The following PDE2A variants were observed in gnomAD, a reference collection of about 807,000 sequenced individuals.
The protein encoded by PDE2A is phosphodiesterase 2A.
In PDE2A, 53 loss-of-function variants were observed where a neutral mutation model predicts 133.6. The ratio of observed to expected loss-of-function variants is 0.40; its 90% CI spans 0.32 to 0.50. The LOEUF is 0.50. Among genes scored for constraint, PDE2A ranks in the 20% least tolerant of loss-of-function variants. The probability of loss-of-function intolerance (pLI) is 0.73; values close to 1 mark genes in which losing one functional copy is unlikely to be tolerated. For synonymous variants in PDE2A, 491 were observed against 490.2 expected, an observed-to-expected ratio of 1.00 and a Z score of -0.02; for missense variants, 796 against 1,232.4, an observed-to-expected ratio of 0.65 and a Z score of 5.30.
chr11:72,596,897 C>T lies in PDE2A; in HGVS notation c.434-249G>A, dbSNP rs191984757. Among the ~76,000 whole-genome samples the T allele has an allele frequency of 1.4e-3, 209 of 152,196 alleles. 1 individual carries two copies. The highest frequency in any genetic ancestry group is 4.9e-3 in the African/African-American group (204 of 41,522). Reference sequence around the variant, plus strand: ...CCTTCTTGTGATCCTCCCAGGGTTGCAGGGAGGAAGGCAGGTGAGGCTGAG... The same window carrying T: ...CCTTCTTGTGATCCTCCCAGGGTTGTAGGGAGGAAGGCAGGTGAGGCTGAG... On this transcript the variant is annotated intron_variant, in intron 5 of 30. Coordinates refer to ENST00000334456, the MANE Select transcript of PDE2A (RefSeq NM_002599.5).
chr11:72,635,804 A>G (rs1858651714), intron 2 of PDE2A, among the ~76,000 whole-genome samples: 1 of 152,196 alleles, frequency 6.6e-6, no homozygotes, highest in African/African-American at 2.4e-5. Flanking sequence ...CAGCATTCTG[A>G]TAATTCGGGA....
intron 1 of PDE2A, among the ~76,000 whole-genome samples, chr11:72,671,681 C>A (rs964682560): frequency 6.6e-6 from 1 of 152,134 alleles, no homozygotes; most frequent in African/African-American, 2.4e-5. Flanking sequence ...CCAAGCTCAG[C>A]AACCAAGAGG....
chr11:72,615,241 C>G, intron 2 of PDE2A: 1 of 319,714 alleles, frequency 3.1e-6, no homozygotes, highest in Admixed American at 2.8e-5. Context: ...CGGCCTCTCG[C>G]CCTTCCCAAG....
chr11:72,586,044 A>T, intron 14 of PDE2A, 26 bp downstream of exon 14: 2 of 1,358,206 alleles, frequency 1.5e-6, no homozygotes, highest in Non-Finnish European at 1.0e-6. Flanking sequence ...TCGGTGCCCG[A>T]GAGAGGCTGA....
intron 2 of PDE2A, among the ~76,000 whole-genome samples, chr11:72,640,530 A>G (rs1294700241): frequency 6.6e-6 from 1 of 152,112 alleles, no homozygotes; most frequent in Admixed American, 6.5e-5. Flanking sequence ...ACACAGACAC[A>G]TGACATTCAA....
At chr11:72,664,812 G>A (rs1855187177) in intron 1 of PDE2A, among the ~76,000 whole-genome samples, 1 of 151,766 alleles carries the variant, frequency 6.6e-6, no homozygotes, top group Non-Finnish European at 1.5e-5. Flanking sequence ...GGTTTTGTTT[G>A]TTTCTTTGTT....
At chr11:72,585,839 G>A (rs562786095) in intron 14 of PDE2A, among the ~76,000 whole-genome samples, 2 of 152,342 alleles carry the variant, frequency 1.3e-5, no homozygotes, top group East Asian at 3.9e-4. Flanking sequence ...AGCTGCCTAG[G>A]TGTTGCTGTA....
chr11:72,669,247 C>A (rs1437937362), intron 1 of PDE2A, among the ~76,000 whole-genome samples: 2 of 152,164 alleles, frequency 1.3e-5, no homozygotes, highest in African/African-American at 2.4e-5. Flanking sequence ...GCCTCCTCTG[C>A]GCCCAAGGCA....
At chr11:72,618,021 C>T (rs114519910) in intron 2 of PDE2A, among the ~76,000 whole-genome samples, 3 of 152,312 alleles carry the variant, frequency 2.0e-5, no homozygotes, top group South Asian at 2.1e-4. Flanking sequence ...TCTCTCCCAG[C>T]GCAGTGCTTT....
chr11:72,640,406 T>C (rs1858902516), intron 2 of PDE2A, among the ~76,000 whole-genome samples: 1 of 151,076 alleles, frequency 6.6e-6, no homozygotes, highest in Non-Finnish European at 1.5e-5. Flanking sequence ...CACGTGTACA[T>C]GCACGCACAC....
chr11:72,630,333 G>A (rs12797791), intron 2 of PDE2A, among the ~76,000 whole-genome samples: 59,499 of 151,984 alleles, frequency 0.39, 13,755 homozygotes, highest in Middle Eastern at 0.59. Flanking sequence ...GGCACAGCAC[G>A]GTGGGCGACA....
At chr11:72,621,240 G>C (rs78372605) in intron 2 of PDE2A, among the ~76,000 whole-genome samples, 1,878 of 152,248 alleles carry the variant, frequency 0.012, 52 homozygotes, top group African/African-American at 0.043. Context: ...TGGGTATTCA[G>C]AGAAGGGAGG....
intron 4 of PDE2A, among the ~76,000 whole-genome samples, chr11:72,599,993 G>C (rs931338879): frequency 2.6e-5 from 4 of 152,246 alleles, no homozygotes; most frequent in African/African-American, 9.6e-5. Context: ...AGAGGTTATC[G>C]AGGCAGACAG....
intron 2 of PDE2A, among the ~76,000 whole-genome samples, chr11:72,619,354 G>C (rs567482490): frequency 6.6e-6 from 1 of 152,224 alleles, no homozygotes; most frequent in East Asian, 1.9e-4. Flanking sequence ...CTAAGCATGT[G>C]TGCAGCCTGC....
At chr11:72,601,365 G>A (rs1409822167) in intron 4 of PDE2A, among the ~76,000 whole-genome samples, 1 of 58,704 alleles carries the variant, frequency 1.7e-5, no homozygotes, top group East Asian at 5.5e-4. Flanking sequence ...TGAGCCCCCA[G>A]GACCTGGACC....
At position 72,584,669 on chromosome 11, in the gene PDE2A, G is replaced by A. The variant is rs1263777197; in HGVS notation, c.1419C>T (p.Gly473=). ...QGIAGHVATT[G]QILNIPDAYA... is the part of the protein sequence containing the mutation. ...ATGCGTCAGGGATGTTCAGGATCTG[G>A]CCCGTGGTCGCCACGTGTCCCGCGA... is the stretch of plus-strand genomic sequence containing the variant. The change falls in exon 18 of 31, where the codon GGC becomes GGT. Residue 473 remains glycine (G), a synonymous_variant. Transcript: ENST00000334456. 2 of 1,613,284 alleles carry A rather than the reference G, an allele frequency of 1.2e-6. No individual in the cohort carries two copies. The highest frequency in any genetic ancestry group is 1.7e-5 in the Admixed American group (1 of 60,026).
intron 12 of PDE2A, 108 bp from the exon 13 acceptor site, chr11:72,589,022 GCTGGAAGCT>G: frequency 7.6e-7 from 1 of 1,311,228 alleles, no homozygotes; most frequent in Non-Finnish European, 1.1e-6. Flanking sequence ...CTCATGCAAG[GCTGGAAGCT>G]CTGTGTCATG....
Position 72,583,517 on chromosome 11 carries a change from T to TA in PDE2A, c.1651-3dup. The TA allele has an allele frequency of 6.2e-7, 1 of 1,601,134 alleles. No individual in the cohort carries two copies. The highest frequency in any genetic ancestry group is 1.3e-5 in the African/African-American group (1 of 74,728). ...ATTCACTTTTTTGTATAGGAGAGAC[T>TA]AGGGGAAAGAGGGAAAGATGGGGCT... is the stretch of plus-strand genomic sequence containing the variant. On this transcript the variant is annotated splice_polypyrimidine_tract_variant and splice_region_variant and intron_variant, in intron 19 of 30. Transcript: ENST00000334456.
At chr11:72,659,968 G>A (rs903578688) in intron 1 of PDE2A, among the ~76,000 whole-genome samples, 1 of 152,296 alleles carries the variant, frequency 6.6e-6, no homozygotes, top group Admixed American at 6.5e-5. Context: ...AGGGTCAGCA[G>A]TTCCCTGGCA....
Sources: gnomAD v4.1 joint callset for allele counts (sites outside exome capture counted in the v4.1 genomes callset) on GRCh38, gnomAD v4.1.1 for gene constraint, MANE v1.5 for transcripts, NCBI Gene and HGNC (gene_info 2026-07-23, HGNC 2026-07-21) for gene names.